UBE4B: variants seen among roughly 807,000 people sequenced by gnomAD.
The protein encoded by UBE4B is ubiquitin conjugation factor E4 B.
Under a neutral mutation model 148.1 loss-of-function variants are expected in UBE4B, and 27 were observed. That is an observed-to-expected ratio of 0.18 (90% CI 0.13 to 0.25). The LOEUF (loss-of-function observed/expected upper bound fraction) is 0.25, where lower values mean the gene tolerates loss of function less well. Ranked by LOEUF, UBE4B falls within the 10% of genes least tolerant of loss-of-function variation. The probability of loss-of-function intolerance (pLI) is 1.00; values close to 1 mark genes in which losing one functional copy is unlikely to be tolerated. For missense variants in UBE4B, 1,170 were observed against 1,662.4 expected, an observed-to-expected ratio of 0.70 and a Z score of 5.15; for synonymous variants, 596 against 619.3, an observed-to-expected ratio of 0.96 and a Z score of 0.56.
intron 9 of UBE4B, among the ~76,000 whole-genome samples, chr1:10,119,988 C>T (rs529457959): frequency 2.8e-5 from 4 of 144,622 alleles, no homozygotes; most frequent in Admixed American, 6.9e-5. Flanking sequence ...ATGTATAACA[C>T]GGTCAATTTC....
chr1:10,117,310 C>T, intron 7 of UBE4B, 149 bp from the exon 8 acceptor site: 2 of 947,334 alleles, frequency 2.1e-6, no homozygotes, highest in Non-Finnish European at 3.1e-6. Context: ...GCAGGTGAAA[C>T]AAGCAGTCAG....
chr1:10,088,133 T>C (rs941661122), intron 2 of UBE4B, among the ~76,000 whole-genome samples: 1 of 152,144 alleles, frequency 6.6e-6, no homozygotes, highest in African/African-American at 2.4e-5. Context: ...TATCTTGGAT[T>C]TTTCCTGCCC....
chr1:10,148,381 C>A (rs545238491), intron 19 of UBE4B, among the ~76,000 whole-genome samples: 1 of 152,212 alleles, frequency 6.6e-6, no homozygotes, highest in African/African-American at 2.4e-5. Context: ...TCTGTAATCC[C>A]AGTACTTTGG....
At chr1:10,113,718 G>T (rs543123032) in intron 7 of UBE4B, among the ~76,000 whole-genome samples, 1 of 152,262 alleles carries the variant, frequency 6.6e-6, no homozygotes, top group East Asian at 1.9e-4. Context: ...CTGGCTGGGG[G>T]TGCTGCATCA....
At chr1:10,048,212 C>G (rs1000569429) in intron 1 of UBE4B, among the ~76,000 whole-genome samples, 2 of 152,070 alleles carry the variant, frequency 1.3e-5, no homozygotes, top group Admixed American at 6.6e-5. Context: ...TTGGCTTAAG[C>G]AGCTCAAAAA....
At chr1:10,077,401 T>C (rs1445883013) in intron 2 of UBE4B, among the ~76,000 whole-genome samples, 1 of 152,200 alleles carries the variant, frequency 6.6e-6, no homozygotes, top group Non-Finnish European at 1.5e-5. Context: ...ATGAGCTTAT[T>C]TTAACTTGCT....
intron 5 of UBE4B, 39 bp downstream of exon 5, chr1:10,103,131 G>A (rs755671569): frequency 3.9e-6 from 6 of 1,536,360 alleles, no homozygotes; most frequent in East Asian, 2.3e-5. Context: ...CAGAGTACTC[G>A]ACAAGAAAAT....
intron 21 of UBE4B, among the ~76,000 whole-genome samples, chr1:10,155,701 C>T (rs1232803836): frequency 6.6e-6 from 1 of 152,224 alleles, no homozygotes; most frequent in Non-Finnish European, 1.5e-5. Flanking sequence ...CCTCTTAACA[C>T]CACAGAGATA....
At chr1:10,039,093 A>G (rs1204676206) in intron 1 of UBE4B, among the ~76,000 whole-genome samples, 1 of 151,938 alleles carries the variant, frequency 6.6e-6, no homozygotes, top group African/African-American at 2.4e-5. Context: ...CACACACAGA[A>G]AAACAAACAA....
intron 18 of UBE4B, 91 bp downstream of exon 18, chr1:10,145,130 C>G (rs1217862219): frequency 2.1e-6 from 2 of 943,566 alleles, no homozygotes; most frequent in East Asian, 5.0e-5. Flanking sequence ...AGTTTAGTGT[C>G]CTCACTTTTT....
chr1:10,045,453 C>T (rs1643891993), intron 1 of UBE4B, among the ~76,000 whole-genome samples: 2 of 151,994 alleles, frequency 1.3e-5, no homozygotes, highest in South Asian at 4.1e-4. Flanking sequence ...ACAACTCTGT[C>T]CTTGTCTGTT....
intron 1 of UBE4B, among the ~76,000 whole-genome samples, chr1:10,038,885 C>G (rs1643651184): frequency 6.6e-6 from 1 of 151,984 alleles, no homozygotes; most frequent in African/African-American, 2.4e-5. Context: ...TCACGTGAAA[C>G]CCCGTCTCTA....
At chr1:10,179,598 G>T (rs199915203) in intron 27 of UBE4B, 36 bp downstream of exon 27, 1 of 1,607,596 alleles carries the variant, frequency 6.2e-7, no homozygotes, top group Non-Finnish European at 8.5e-7. Context: ...CAGCGCTGGC[G>T]TCAGTACCAA....
chr1:10,089,483 A>G (rs1644813653), intron 2 of UBE4B, among the ~76,000 whole-genome samples: 1 of 151,726 alleles, frequency 6.6e-6, no homozygotes, highest in African/African-American at 2.4e-5. Flanking sequence ...CAGCCCAGGT[A>G]TCACTGAGAA....
chr1:10,072,817 T>C lies in UBE4B; in HGVS notation c.211+603T>C, dbSNP rs1363716081. ...ATATCTCTCTTTTGTCTGTGAACTT[T>C]TCTATCAAATATAGTATTATTGTCA... On this transcript the variant is annotated intron_variant, in intron 2 of 27. Coordinates refer to ENST00000343090, the MANE Select transcript of UBE4B (RefSeq NM_001105562.3). 1.4e-5 allele frequency: 3 copies of C among 210,362 alleles called. No homozygotes were observed. In the East Asian group the frequency reaches 3.1e-4, roughly 21 times the overall value. The allele number at this position is 210,362 out of a possible 1,614,324, so 13.0% of individuals were successfully genotyped here.
intron 18 of UBE4B, 98 bp from the exon 19 acceptor site, chr1:10,146,865 C>A: frequency 6.8e-7 from 1 of 1,475,770 alleles, no homozygotes; most frequent in South Asian, 1.3e-5. Context: ...GCTCTGGAAC[C>A]CAAATTTCCC....
chr1:10,058,410 T>C (rs1035468725), intron 1 of UBE4B, among the ~76,000 whole-genome samples: 20 of 152,198 alleles, frequency 1.3e-4, no homozygotes, highest in Admixed American at 2.6e-4. Context: ...CTTGGTACTT[T>C]ACTTGTTAGT....
chr1:10,130,693 C>T (rs1645579033), intron 13 of UBE4B, 22 bp from the exon 14 acceptor site: 26 of 1,613,198 alleles, frequency 1.6e-5, no homozygotes, highest in Non-Finnish European at 2.1e-5. Flanking sequence ...ATGTTGACTG[C>T]ATTTTTTCCT....
chr1:10,059,335 G>T, intron 1 of UBE4B: 1 of 167,220 alleles, frequency 6.0e-6, no homozygotes, highest in East Asian at 1.4e-4. Flanking sequence ...CTACACTGTA[G>T]GGCACCTGCT....
Sources: allele counts gnomAD v4.1 joint callset (sites outside exome capture counted in the v4.1 genomes callset), GRCh38; gene constraint gnomAD v4.1.1; transcripts MANE v1.5; gene names NCBI Gene and HGNC (gene_info 2026-07-23, HGNC 2026-07-21).